BNC2: variants seen among roughly 807,000 people sequenced by gnomAD.
BNC2 encodes the protein basonuclin zinc finger protein 2.
Under a neutral mutation model 76.3 loss-of-function variants are expected in BNC2, and 20 were observed. The observed-to-expected ratio is 0.26, with a 90% CI of 0.18 to 0.38. The LOEUF (loss-of-function observed/expected upper bound fraction) is 0.38. BNC2 is among the 10% of genes least tolerant of loss of function. BNC2 has a pLI of 1.00. For synonymous variants in BNC2, 582 were observed against 514.8 expected (o/e 1.13, Z -1.77); for missense variants, 1,382 against 1,399.8 (o/e 0.99, Z 0.20).
intron 4 of BNC2, among the ~76,000 whole-genome samples, chr9:16,562,368 G>T (rs1035568728): frequency 9.9e-5 from 15 of 152,152 alleles, no homozygotes; most frequent in Non-Finnish European, 5.9e-5. Flanking sequence ...CTAAGCAAAT[G>T]TAAGTGATGC....
intron 3 of BNC2, among the ~76,000 whole-genome samples, chr9:16,600,698 G>A (rs1820219943): frequency 6.6e-6 from 1 of 152,068 alleles, no homozygotes; most frequent in African/African-American, 2.4e-5. Context: ...CAACCTACTT[G>A]TTTTATTTTA....
chr9:16,461,994 C>G (rs556315015), intron 5 of BNC2, among the ~76,000 whole-genome samples: 1 of 152,184 alleles, frequency 6.6e-6, no homozygotes, highest in East Asian at 1.9e-4. Flanking sequence ...TGATTTCATT[C>G]ACACACCTCC....
At chr9:16,718,246 G>T (rs552738032) in intron 3 of BNC2, among the ~76,000 whole-genome samples, 2 of 152,344 alleles carry the variant, frequency 1.3e-5, no homozygotes, top group East Asian at 3.9e-4. Flanking sequence ...CATCTCACCT[G>T]TATGAGGCCA....
At chr9:16,654,886 G>A (rs907708997) in intron 3 of BNC2, among the ~76,000 whole-genome samples, 3 of 152,102 alleles carry the variant, frequency 2.0e-5, no homozygotes, top group African/African-American at 7.2e-5. Context: ...TGGAGGTCTT[G>A]CACAAGTCTC....
At position 16,788,678 on chromosome 9, in the gene BNC2, AG is replaced by A. The variant is rs1233086231; in HGVS notation, c.4-50194del. Among the ~76,000 whole-genome samples the A allele has an allele frequency of 3.9e-5, 6 of 152,290 alleles. 1 individual carries two copies. The highest frequency in any genetic ancestry group is 1.4e-4 in the African/African-American group (6 of 41,554). ...GGTGATATGGTAGGATAAAGAGAAA[AG>A]GGAGCCCTTTAATTAACAAGATCAG... On this transcript the variant is annotated intron_variant, in intron 1 of 6. Transcript: ENST00000380672.
At position 16,667,144 on chromosome 9, in the gene BNC2, T is replaced by C. The variant is rs1379338715; in HGVS notation, c.330+60653A>G. Among the ~76,000 whole-genome samples the C allele has an allele frequency of 4.6e-5, 7 of 151,760 alleles. No individual in the cohort carries two copies. The East Asian group carries it at 1.4e-3, about 29-fold the overall frequency. On this transcript the variant is annotated intron_variant, in intron 3 of 6. Coordinates refer to ENST00000380672, the MANE Select transcript of BNC2 (RefSeq NM_017637.6). ...ACACACGCCGATGTTATAAAAGTAC[T>C]GTCACTAGAATACATGTTTTGGTTG...
At chr9:16,541,511 T>C (rs1818320294) in intron 5 of BNC2, among the ~76,000 whole-genome samples, 1 of 152,146 alleles carries the variant, frequency 6.6e-6, no homozygotes, top group African/African-American at 2.4e-5. Flanking sequence ...GCTGACTCAA[T>C]GGAATATACT....
At chr9:16,526,824 T>G (rs1817819278) in intron 5 of BNC2, among the ~76,000 whole-genome samples, 1 of 152,130 alleles carries the variant, frequency 6.6e-6, no homozygotes, top group South Asian at 2.1e-4. Context: ...CAAACAACAC[T>G]ATGTACCATC....
chr9:16,833,445 A>G (rs2136039624), intron 1 of BNC2, among the ~76,000 whole-genome samples: 1 of 152,288 alleles, frequency 6.6e-6, no homozygotes, highest in South Asian at 2.1e-4. Flanking sequence ...GAGAAAAAAA[A>G]CTAGCTTGGG....
chr9:16,444,438 C>T (rs1438648191), intron 5 of BNC2, among the ~76,000 whole-genome samples: 3 of 152,148 alleles, frequency 2.0e-5, no homozygotes, highest in Admixed American at 1.3e-4. Context: ...TCCGCCTTTG[C>T]TTGCCTACAC....
intron 1 of BNC2, among the ~76,000 whole-genome samples, chr9:16,846,301 A>G (rs1818982459): frequency 6.6e-6 from 1 of 152,230 alleles, no homozygotes; most frequent in Non-Finnish European, 1.5e-5. Flanking sequence ...GTTAAATTCT[A>G]AACCATTATC....
intron 5 of BNC2, among the ~76,000 whole-genome samples, chr9:16,465,023 T>C (rs754590291): frequency 9.9e-5 from 15 of 152,204 alleles, no homozygotes; most frequent in Admixed American, 5.2e-4. Flanking sequence ...TTTCACTCTC[T>C]TGCCCAAAGT....
At chr9:16,551,661 T>C (rs1295346610) in intron 5 of BNC2, among the ~76,000 whole-genome samples, 1 of 152,236 alleles carries the variant, frequency 6.6e-6, no homozygotes, top group African/African-American at 2.4e-5. Flanking sequence ...TCATCCAGTG[T>C]AGCCTCTTTG....
At chr9:16,679,261 C>T (rs1022096376) in intron 3 of BNC2, among the ~76,000 whole-genome samples, 2 of 152,142 alleles carry the variant, frequency 1.3e-5, no homozygotes, top group Non-Finnish European at 2.9e-5. Context: ...CTGGTCCTTA[C>T]TATACTCCAT....
chr9:16,473,659 G>C (rs1821870206), intron 5 of BNC2, among the ~76,000 whole-genome samples: 1 of 152,022 alleles, frequency 6.6e-6, no homozygotes, highest in Non-Finnish European at 1.5e-5. Flanking sequence ...GATCACCTGA[G>C]GTTAGGAGTT....
chr9:16,587,395 G>T (rs577334100), intron 3 of BNC2, among the ~76,000 whole-genome samples: 1 of 151,992 alleles, frequency 6.6e-6, no homozygotes, highest in East Asian at 1.9e-4. Context: ...CCTGAGCTAC[G>T]ATTCCATTCA....
chr9:16,433,311 C>A (rs1206196920), intron 6 of BNC2, among the ~76,000 whole-genome samples: 1 of 152,152 alleles, frequency 6.6e-6, no homozygotes, highest in Non-Finnish European at 1.5e-5. Flanking sequence ...TTGCAATTTG[C>A]TTTTTCATTT....
At chr9:16,822,986 C>T (rs1347208137) in intron 1 of BNC2, among the ~76,000 whole-genome samples, 1 of 152,026 alleles carries the variant, frequency 6.6e-6, no homozygotes, top group African/African-American at 2.4e-5. Flanking sequence ...GTTTCAAGAA[C>T]CTAGAAAATG....
At chr9:16,576,647 A>G (rs1409049695) in intron 4 of BNC2, among the ~76,000 whole-genome samples, 1 of 152,246 alleles carries the variant, frequency 6.6e-6, no homozygotes, top group Non-Finnish European at 1.5e-5. Context: ...AAGTCCTTAC[A>G]AACTACCATG....
Sources: allele counts gnomAD v4.1 joint callset (sites outside exome capture counted in the v4.1 genomes callset), GRCh38; gene constraint gnomAD v4.1.1; transcripts MANE v1.5; gene names NCBI Gene and HGNC (gene_info 2026-07-23, HGNC 2026-07-21).